The following TTC7A variants were observed in gnomAD, a reference collection of about 807,000 sequenced individuals.
The protein encoded by TTC7A is tetratricopeptide repeat protein 7A.
In TTC7A, 110 loss-of-function variants were observed where a neutral mutation model predicts 103.7. The ratio of observed to expected loss-of-function variants is 1.06; its 90% CI spans 0.91 to 1.24. The LOEUF (loss-of-function observed/expected upper bound fraction) is 1.24. Ranked by LOEUF, TTC7A falls within the 50% of genes most tolerant of loss-of-function variation. The pLI, the probability that TTC7A is intolerant of heterozygous loss-of-function variation, is 0.00. For missense variants in TTC7A, 1,340 were observed against 1,116.3 expected, an observed-to-expected ratio of 1.20 and a Z score of -2.86; for synonymous variants, 521 against 467.9, an observed-to-expected ratio of 1.11 and a Z score of -1.47.
intron 3 of TTC7A, among the ~76,000 whole-genome samples, chr2:46,968,023 G>A (rs1673009248): frequency 1.3e-5 from 2 of 152,134 alleles, no homozygotes; most frequent in South Asian, 4.1e-4. Context: ...GGGTTCTGTT[G>A]CTGAGGATGT....
intron 10 of TTC7A, among the ~76,000 whole-genome samples, chr2:47,008,840 C>G (rs1307684304): frequency 6.6e-6 from 1 of 151,376 alleles, no homozygotes; most frequent in East Asian, 1.9e-4. Context: ...TGATTTAGGT[C>G]GTTCCTTCTC....
At chr2:47,009,521 G>A (rs1363680301) in intron 10 of TTC7A, among the ~76,000 whole-genome samples, 2 of 152,202 alleles carry the variant, frequency 1.3e-5, no homozygotes, top group Non-Finnish European at 2.9e-5. Flanking sequence ...TCTGGGTTGA[G>A]AAAAGCTCTT....
intron 8 of TTC7A, among the ~76,000 whole-genome samples, chr2:46,998,901 G>T (rs1487322095): frequency 1.3e-5 from 2 of 152,168 alleles, no homozygotes; most frequent in African/African-American, 4.8e-5. Flanking sequence ...CCTTACTAAT[G>T]CTTTCACAGG....
At chr2:46,931,596 C>T (rs948791317) in intron 2 of TTC7A, among the ~76,000 whole-genome samples, 10 of 152,000 alleles carry the variant, frequency 6.6e-5, no homozygotes, top group Non-Finnish European at 1.2e-4. Flanking sequence ...AAGGGGTCAC[C>T]AGCCAAGGAA....
At chr2:47,017,702 C>G (rs952420268) in intron 11 of TTC7A, among the ~76,000 whole-genome samples, 3 of 152,104 alleles carry the variant, frequency 2.0e-5, no homozygotes, top group African/African-American at 7.2e-5. Flanking sequence ...GAGGTGCCAA[C>G]TTATGCTCAT....
chr2:47,016,049 C>T (rs1036293), intron 11 of TTC7A, among the ~76,000 whole-genome samples: 72,539 of 151,992 alleles, frequency 0.48, 17,728 homozygotes, highest in East Asian at 0.77. Context: ...ATTCCGAGGG[C>T]AAACCTTTTT....
At position 46,958,518 on chromosome 2, in the gene TTC7A, A is replaced by G. The variant is rs1192052302; in HGVS notation, c.517+1511A>G. Reference sequence around the variant, plus strand: ...AGCATGCCTCCGGCTTCTTGGGGGAACACAGTCCCGGTGGTCAGAGGTCCT... The same window carrying G: ...AGCATGCCTCCGGCTTCTTGGGGGAGCACAGTCCCGGTGGTCAGAGGTCCT... On this transcript the variant is annotated intron_variant, in intron 3 of 19. Coordinates refer to ENST00000319190, the MANE Select transcript of TTC7A (RefSeq NM_020458.4). 6.1e-6 allele frequency: 8 copies of G among 1,303,816 alleles called. No individual in the cohort carries two copies. In the East Asian group the frequency reaches 1.7e-4, roughly 27 times the overall value. The allele number at this position is 1,303,816 out of a possible 1,614,324, so 80.8% of individuals were successfully genotyped here.
At chr2:47,014,158 T>A (rs1422296807) in intron 11 of TTC7A, among the ~76,000 whole-genome samples, 2 of 152,238 alleles carry the variant, frequency 1.3e-5, no homozygotes, top group Admixed American at 1.3e-4. Context: ...TTCTGTCTTA[T>A]GTGGTGCATG....
chr2:47,064,618 C>T (rs370098007), intron 19 of TTC7A, among the ~76,000 whole-genome samples: 73 of 152,298 alleles, frequency 4.8e-4, no homozygotes, highest in African/African-American at 1.7e-3. Flanking sequence ...TCCCTGGATC[C>T]CCTCTGCACC....
intron 14 of TTC7A, among the ~76,000 whole-genome samples, chr2:47,026,084 A>C (rs1340766087): frequency 6.6e-6 from 1 of 152,164 alleles, no homozygotes; most frequent in East Asian, 1.9e-4. Flanking sequence ...CCTAGGGCCC[A>C]GTTTCCTTGG....
chr2:47,058,478 G>C (rs1045495571), intron 18 of TTC7A, among the ~76,000 whole-genome samples: 2 of 152,188 alleles, frequency 1.3e-5, no homozygotes, highest in African/African-American at 2.4e-5. Context: ...GTCTGGGCCT[G>C]GTTTCTCCAC....
chr2:47,049,718 C>T (rs1682677789), intron 16 of TTC7A, among the ~76,000 whole-genome samples: 1 of 152,092 alleles, frequency 6.6e-6, no homozygotes, highest in African/African-American at 2.4e-5. Flanking sequence ...GGGAGAGTTT[C>T]CAGGTCTCAG....
At chr2:46,986,272 AC>A (rs1410225618) in intron 5 of TTC7A, among the ~76,000 whole-genome samples, 4 of 146,688 alleles carry the variant, frequency 2.7e-5, no homozygotes, top group African/African-American at 1.0e-4. Flanking sequence ...GCAGGGAGAA[AC>A]CCTTCTCGGT....
At chr2:47,056,476 C>T (rs1683326689) in intron 18 of TTC7A, among the ~76,000 whole-genome samples, 1 of 152,210 alleles carries the variant, frequency 6.6e-6, no homozygotes, top group South Asian at 2.1e-4. Flanking sequence ...TGCTCATTAG[C>T]ACAGGGCCAG....
intron 15 of TTC7A, among the ~76,000 whole-genome samples, chr2:47,032,329 T>C (rs570832872): frequency 6.6e-6 from 1 of 152,302 alleles, no homozygotes; most frequent in African/African-American, 2.4e-5. Context: ...ACTGTGCTGG[T>C]TGTCAATGTG....
intron 5 of TTC7A, among the ~76,000 whole-genome samples, chr2:46,980,726 T>A (rs1358355083): frequency 1.3e-5 from 2 of 152,128 alleles, no homozygotes; most frequent in Non-Finnish European, 2.9e-5. Flanking sequence ...AAAGACTGCC[T>A]TCCATAGCAG....
chr2:46,979,375 A>G (rs1674207182), intron 5 of TTC7A, among the ~76,000 whole-genome samples: 1 of 152,202 alleles, frequency 6.6e-6, no homozygotes, highest in African/African-American at 2.4e-5. Flanking sequence ...GGAGTGGTGA[A>G]GGACGAGGGA....
At chr2:46,960,108 C>T (rs1204713856) in intron 3 of TTC7A, among the ~76,000 whole-genome samples, 3 of 152,210 alleles carry the variant, frequency 2.0e-5, no homozygotes, top group African/African-American at 7.2e-5. Context: ...CAGGTCCAGC[C>T]AGGAGTAGGA....
chr2:46,936,859 AT>A (rs67502094), upstream of TTC7A, among the ~76,000 whole-genome samples: 18,583 of 142,608 alleles, frequency 0.13, 1,362 homozygotes, highest in African/African-American at 0.24. Context: ...AGGATTCCAA[AT>A]TTTTTTTTTT....
Sources: gnomAD v4.1 joint callset for allele counts (sites outside exome capture counted in the v4.1 genomes callset) on GRCh38, gnomAD v4.1.1 for gene constraint, MANE v1.5 for transcripts, NCBI Gene and HGNC (gene_info 2026-07-23, HGNC 2026-07-21) for gene names.